The following BABAM2 variants were observed in gnomAD, a reference collection of about 807,000 sequenced individuals.
BABAM2 encodes the protein BRISC and BRCA1 A complex member 2.
In BABAM2, 31 loss-of-function variants were observed where a neutral mutation model predicts 54.7. The observed-to-expected ratio is 0.57, with a 90% CI of 0.43 to 0.77. The LOEUF is 0.77. Ranked by LOEUF, BABAM2 falls within the 30% of genes least tolerant of loss-of-function variation. BABAM2 has a pLI of 0.00. For missense variants in BABAM2, 364 were observed against 455.8 expected (o/e 0.80, Z 1.83); for synonymous variants, 167 against 162.9 (o/e 1.03, Z -0.19).
chr2:27,973,752 T>C (rs761227882), intron 3 of BABAM2, among the ~76,000 whole-genome samples: 1 of 152,050 alleles, frequency 6.6e-6, no homozygotes, highest in Non-Finnish European at 1.5e-5. Flanking sequence ...ACAGAATCAG[T>C]ATAGCAAAGT....
intron 7 of BABAM2, among the ~76,000 whole-genome samples, chr2:28,224,127 C>G (rs1680658690): frequency 6.6e-6 from 1 of 152,220 alleles, no homozygotes; most frequent in African/African-American, 2.4e-5. Flanking sequence ...TACCTTCAAA[C>G]AGTTTAATTT....
chr2:28,243,754 G>T (rs187029002), intron 9 of BABAM2, among the ~76,000 whole-genome samples: 1 of 151,884 alleles, frequency 6.6e-6, no homozygotes, highest in African/African-American at 2.4e-5. Context: ...AAGAATTGTC[G>T]ACTTAAGATC....
chr2:28,097,768 AT>A (rs1666749395), intron 6 of BABAM2, among the ~76,000 whole-genome samples: 1 of 152,148 alleles, frequency 6.6e-6, no homozygotes, highest in South Asian at 2.1e-4. Context: ...TCTTCTACAT[AT>A]ATTTTCACTC....
intron 7 of BABAM2, among the ~76,000 whole-genome samples, chr2:28,173,285 A>G (rs1007469416): frequency 3.3e-5 from 5 of 152,136 alleles, no homozygotes; most frequent in Admixed American, 2.0e-4. Context: ...TTTGGCAAAA[A>G]CTGACTAACC....
chr2:27,912,805 A>G (rs183670692), intron 2 of BABAM2, among the ~76,000 whole-genome samples: 30 of 152,328 alleles, frequency 2.0e-4, no homozygotes, highest in African/African-American at 5.5e-4. Context: ...CTACATCTGG[A>G]TGGAAATGAA....
At chr2:27,908,321 G>C (rs1248348425) in intron 2 of BABAM2, among the ~76,000 whole-genome samples, 1 of 151,936 alleles carries the variant, frequency 6.6e-6, no homozygotes, top group African/African-American at 2.4e-5. Context: ...ATCCAGTTTG[G>C]AGTGCAGTGA....
chr2:28,032,869 T>C lies in BABAM2; in HGVS notation c.495+7449T>C, dbSNP rs1006644046. Among the ~76,000 whole-genome samples the C allele has an allele frequency of 4.6e-5, 7 of 152,132 alleles. No homozygotes were observed. The South Asian group carries it at 1.4e-3, about 31-fold the overall frequency. On this transcript the variant is annotated intron_variant, in intron 5 of 11. Coordinates refer to ENST00000379624, the MANE Select transcript of BABAM2 (RefSeq NM_199191.3). ...ATAGGAAGTTGCAAAGTAGAGATCC[T>C]GAGTATCCTTCACTCAGTTTCCCCC...
At chr2:27,904,182 T>C (rs1219046649) in intron 2 of BABAM2, among the ~76,000 whole-genome samples, 1 of 152,192 alleles carries the variant, frequency 6.6e-6, no homozygotes, top group African/African-American at 2.4e-5. Context: ...TTAAAACTTA[T>C]GAATTGTTTC....
At chr2:27,972,121 G>A (rs1009466538) in intron 3 of BABAM2, among the ~76,000 whole-genome samples, 1 of 152,116 alleles carries the variant, frequency 6.6e-6, no homozygotes, top group African/African-American at 2.4e-5. Flanking sequence ...TCAACAACAT[G>A]TATATTATCT....
At chr2:28,320,160 G>A (rs1457356327) in intron 11 of BABAM2, among the ~76,000 whole-genome samples, 1 of 152,196 alleles carries the variant, frequency 6.6e-6, no homozygotes, top group Non-Finnish European at 1.5e-5. Context: ...ATCTATCAGC[G>A]GTTCCCAGCA....
chr2:28,033,800 G>GT (rs11399848), intron 5 of BABAM2, among the ~76,000 whole-genome samples: 94,637 of 148,460 alleles, frequency 0.64, 31,741 homozygotes, highest in Middle Eastern at 0.79. Context: ...TGATTAAAGT[G>GT]TTTTTTTTTT....
intron 10 of BABAM2, among the ~76,000 whole-genome samples, chr2:28,259,098 T>TTTTTTTA (rs1435067897): frequency 8.7e-6 from 1 of 114,428 alleles, no homozygotes; most frequent in Non-Finnish European, 1.8e-5. Context: ...TTTTTTTTTT[T>TTTTTTTA]TTTTTTTTCA....
intron 4 of BABAM2, among the ~76,000 whole-genome samples, chr2:28,009,880 G>A (rs1287836628): frequency 6.6e-6 from 1 of 152,156 alleles, no homozygotes; most frequent in African/African-American, 2.4e-5. Flanking sequence ...CATTTCCAGT[G>A]TGGCATGGAG....
chr2:27,897,885 T>A (rs989302226), intron 2 of BABAM2, among the ~76,000 whole-genome samples: 1 of 152,224 alleles, frequency 6.6e-6, no homozygotes, highest in East Asian at 1.9e-4. Context: ...ATTGAAGTCA[T>A]CAAGATCAGA....
intron 7 of BABAM2, among the ~76,000 whole-genome samples, chr2:28,209,075 T>A (rs2147980760): frequency 6.6e-6 from 1 of 152,278 alleles, no homozygotes; most frequent in South Asian, 2.1e-4. Flanking sequence ...CCCTAGCAAA[T>A]TATTTGCAAC....
intron 3 of BABAM2, among the ~76,000 whole-genome samples, chr2:27,941,141 G>A (rs1467031580): frequency 2.0e-5 from 3 of 152,186 alleles, no homozygotes; most frequent in Non-Finnish European, 4.4e-5. Context: ...AACCTGATTA[G>A]TAGAGGTTAG....
intron 3 of BABAM2, among the ~76,000 whole-genome samples, chr2:27,943,151 T>A (rs887825298): frequency 1.1e-4 from 17 of 152,224 alleles, no homozygotes; most frequent in Admixed American, 1.0e-3. Context: ...TGACTATAGC[T>A]GTTGGCATTT....
intron 6 of BABAM2, among the ~76,000 whole-genome samples, chr2:28,113,564 A>G (rs1465644509): frequency 6.6e-6 from 1 of 152,070 alleles, no homozygotes; most frequent in African/African-American, 2.4e-5. Context: ...CTGGTAGTGT[A>G]GTTTGAAGTC....
chr2:28,022,867 C>A (rs1187994391), intron 4 of BABAM2, among the ~76,000 whole-genome samples: 5 of 152,328 alleles, frequency 3.3e-5, no homozygotes, highest in African/African-American at 1.2e-4. Flanking sequence ...ATTGCCAGAC[C>A]TGTTTTTAAA....
Sources: gnomAD v4.1 joint callset for allele counts (sites outside exome capture counted in the v4.1 genomes callset) on GRCh38, gnomAD v4.1.1 for gene constraint, MANE v1.5 for transcripts, NCBI Gene and HGNC (gene_info 2026-07-23, HGNC 2026-07-21) for gene names.